WWOX: variants seen among roughly 807,000 people sequenced by gnomAD.
WWOX encodes the protein WW domain-containing oxidoreductase.
WWOX carries 69 observed loss-of-function variants against 46.2 expected under a neutral mutation model. The ratio of observed to expected loss-of-function variants is 1.49; its 90% CI spans 1.23 to 1.82. The LOEUF is 1.82. Among genes scored for constraint, WWOX ranks in the 40% most tolerant of loss-of-function variants. WWOX has a pLI of 0.00. For missense variants in WWOX, 919 were observed against 542.6 expected (o/e 1.69, Z -6.89); for synonymous variants, 359 against 202.6 (o/e 1.77, Z -6.56).
intron 8 of WWOX, among the ~76,000 whole-genome samples, chr16:78,542,953 G>C (rs1053004453): frequency 6.6e-6 from 1 of 152,168 alleles, no homozygotes; most frequent in Non-Finnish European, 1.5e-5. Context: ...GAGAGGAGGA[G>C]AGTAGAAGCA....
intron 8 of WWOX, among the ~76,000 whole-genome samples, chr16:78,865,467 C>G (rs1000704013): frequency 6.6e-6 from 1 of 152,270 alleles, no homozygotes; most frequent in East Asian, 1.9e-4. Context: ...AGGCTTTTGA[C>G]AATTTCAAAT....
chr16:78,997,642 T>C (rs2047016197), intron 8 of WWOX, among the ~76,000 whole-genome samples: 1 of 152,088 alleles, frequency 6.6e-6, no homozygotes, highest in Admixed American at 6.6e-5. Context: ...TGCACTAGTA[T>C]TTATTTCCTC....
chr16:78,763,774 A>G (rs1299946067), intron 8 of WWOX, among the ~76,000 whole-genome samples: 6 of 152,134 alleles, frequency 3.9e-5, no homozygotes, highest in African/African-American at 1.4e-4. Context: ...ATGTTGACTT[A>G]ATTTCTCCAG....
intron 8 of WWOX, among the ~76,000 whole-genome samples, chr16:79,050,705 G>C (rs1317472350): frequency 6.6e-6 from 1 of 152,160 alleles, no homozygotes; most frequent in Admixed American, 6.5e-5. Flanking sequence ...AAATCAATCT[G>C]GCGAAATGAA....
At chr16:78,801,713 T>G (rs8056513) in intron 8 of WWOX, among the ~76,000 whole-genome samples, 1 of 152,174 alleles carries the variant, frequency 6.6e-6, no homozygotes, top group African/African-American at 2.4e-5. Context: ...TCCGAGCAGG[T>G]GCACCCCCAT....
intron 8 of WWOX, among the ~76,000 whole-genome samples, chr16:78,554,427 C>G (rs144336636): frequency 6.6e-6 from 1 of 152,096 alleles, no homozygotes; most frequent in Non-Finnish European, 1.5e-5. Flanking sequence ...TTTTAAGCTC[C>G]ATACAGTAAA....
chr16:79,018,684 C>A (rs1312491657), intron 8 of WWOX, among the ~76,000 whole-genome samples: 2 of 152,150 alleles, frequency 1.3e-5, no homozygotes, highest in Admixed American at 6.5e-5. Flanking sequence ...TGTGGGCCGC[C>A]TCCTCCACAT....
At chr16:78,319,887 C>T (rs1156480298) in intron 5 of WWOX, among the ~76,000 whole-genome samples, 1 of 152,112 alleles carries the variant, frequency 6.6e-6, no homozygotes, top group African/African-American at 2.4e-5. Flanking sequence ...GCCTGGGAGG[C>T]ACTTTTTCCA....
chr16:78,173,281 C>T (rs2035221813), intron 5 of WWOX, among the ~76,000 whole-genome samples: 1 of 151,936 alleles, frequency 6.6e-6, no homozygotes. Flanking sequence ...CAAATCTGGT[C>T]ATCTCTCTCT....
chr16:78,760,008 C>T (rs2049751436), intron 8 of WWOX, among the ~76,000 whole-genome samples: 1 of 152,136 alleles, frequency 6.6e-6, no homozygotes. Flanking sequence ...ATTAGGCCCA[C>T]CAGGCTCATC....
chr16:78,690,621 A>G (rs2047963246), intron 8 of WWOX, among the ~76,000 whole-genome samples: 1 of 152,110 alleles, frequency 6.6e-6, no homozygotes, highest in Admixed American at 6.5e-5. Context: ...AATAGGGCAC[A>G]CACATGAATA....
At chr16:78,351,507 G>T (rs1225230558) in intron 5 of WWOX, among the ~76,000 whole-genome samples, 1 of 152,150 alleles carries the variant, frequency 6.6e-6, no homozygotes, top group Non-Finnish European at 1.5e-5. Flanking sequence ...CTGCCCCTGT[G>T]CAGGCAGGAA....
chr16:78,575,462 G>T lies in WWOX; in HGVS notation c.1056+142710G>T, dbSNP rs76053948. 5.4e-3 allele frequency among the ~76,000 whole-genome samples: 816 copies of T among 151,914 alleles called. 9 individuals are homozygous for T. The highest frequency in any genetic ancestry group is 0.018 in the African/African-American group (735 of 41,438). On this transcript the variant is annotated intron_variant, in intron 8 of 8. Transcript: ENST00000566780. ...TATAAAACTCCTGAGGGATGCTCAG[G>T]AAACCAAAAAGGATGTCTGCATGGA...
chr16:78,673,424 C>T (rs956834769), intron 8 of WWOX, among the ~76,000 whole-genome samples: 1 of 152,164 alleles, frequency 6.6e-6, no homozygotes, highest in Non-Finnish European at 1.5e-5. Flanking sequence ...ACATTTTGAA[C>T]ACTGTTGATC....
chr16:78,487,561 A>G (rs1239915418), intron 8 of WWOX, among the ~76,000 whole-genome samples: 1 of 152,158 alleles, frequency 6.6e-6, no homozygotes, highest in Non-Finnish European at 1.5e-5. Flanking sequence ...CCTCTGGTTC[A>G]GGGTGTTGAG....
At chr16:78,312,163 G>C (rs77064460) in intron 5 of WWOX, among the ~76,000 whole-genome samples, 3,211 of 152,182 alleles carry the variant, frequency 0.021, 122 homozygotes, top group African/African-American at 0.072. Flanking sequence ...GCTATCAAGG[G>C]TCACTTTAAG....
intron 8 of WWOX, among the ~76,000 whole-genome samples, chr16:78,557,662 C>A (rs1289755677): frequency 6.8e-6 from 1 of 146,922 alleles, no homozygotes; most frequent in Non-Finnish European, 1.5e-5. Flanking sequence ...GGAAATGCGA[C>A]ACATAAGTGC....
intron 5 of WWOX, among the ~76,000 whole-genome samples, chr16:78,375,517 C>G (rs1200732099): frequency 6.6e-6 from 1 of 152,224 alleles, no homozygotes; most frequent in Admixed American, 6.5e-5. Flanking sequence ...ATTAGAGACA[C>G]AGATATGAAA....
rs565343283 is a variant in WWOX at position 79,093,659 on chromosome 16, C to T, written c.1057-117949C>T. Among the ~76,000 whole-genome samples the T allele has an allele frequency of 1.6e-4, 24 of 152,296 alleles. No individual in the cohort carries two copies. In the East Asian group the frequency reaches 4.2e-3, roughly 27 times the overall value. The stretch of plus-strand genomic sequence containing the variant: ...ACAAACATCACGACATTACTTTTAC[C>T]GCACACTTCCTGTCGAGGCACAGGC... On this transcript the variant is annotated intron_variant, in intron 8 of 8. Coordinates refer to ENST00000566780, the MANE Select transcript of WWOX (RefSeq NM_016373.4).
Sources: allele counts gnomAD v4.1 joint callset (sites outside exome capture counted in the v4.1 genomes callset), GRCh38; gene constraint gnomAD v4.1.1; transcripts MANE v1.5; gene names NCBI Gene and HGNC (gene_info 2026-07-23, HGNC 2026-07-21).